The following TMEM219 variants were observed in gnomAD, a reference collection of about 807,000 sequenced individuals.
The protein encoded by TMEM219 is insulin-like growth factor-binding protein 3 receptor.
TMEM219 carries 18 observed loss-of-function variants against 17.9 expected under a neutral mutation model. That is an observed-to-expected ratio of 1.01 (90% CI 0.70 to 1.49). The LOEUF is 1.49. Among genes scored for constraint, TMEM219 ranks in the 40% most tolerant of loss-of-function variants. The pLI, the probability that TMEM219 is intolerant of heterozygous loss-of-function variation, is 0.00. For synonymous variants in TMEM219, 113 were observed against 124.0 expected (o/e 0.91, Z 0.59); for missense variants, 288 against 292.4 (o/e 0.99, Z 0.11).
chr16:29,967,880 T>C (rs2069232871), intron 3 of TMEM219, 145 bp from the exon 4 acceptor site: 2 of 620,662 alleles, frequency 3.2e-6, no homozygotes, highest in African/African-American at 1.8e-5. Context: ...TGAGCCGAGA[T>C]TGCGCCACTG....
At position 29,968,260 on chromosome 16, in the gene TMEM219, A is replaced by T. The variant is rs887656130; in HGVS notation, c.585+6A>T. ...TGACCAAGCTGCTCACCTCGGTAAG[A>T]GCCTCAGATGGGTCGCCAGGGTTTT... On this transcript the variant is annotated splice_donor_region_variant and intron_variant, in intron 4 of 5. Transcript: ENST00000279396. 4 of 1,608,114 alleles carry T rather than the reference A, an allele frequency of 2.5e-6. No homozygotes were observed. The African/African-American group carries it at 4.0e-5, about 16-fold the overall frequency.
rs369427126 is a variant in TMEM219, at chr16:29,970,965, G to C, written c.586-443G>C. 6.0e-4 allele frequency among the ~76,000 whole-genome samples: 90 copies of C among 150,710 alleles called. No homozygotes were observed. The East Asian group carries it at 0.014, about 24-fold the overall frequency. On this transcript the variant is annotated intron_variant, in intron 4 of 5. Coordinates refer to ENST00000279396, the MANE Select transcript of TMEM219 (RefSeq NM_001083613.2). Reference sequence around the variant, plus strand: ...CCTCAAAAAGAAAAAAAAAAAAAAGGGCCAGGCGCGGTGTTTCACGCCTGT... The same window carrying C: ...CCTCAAAAAGAAAAAAAAAAAAAAGCGCCAGGCGCGGTGTTTCACGCCTGT...
At chr16:29,970,778 A>G (rs1032850177) in intron 4 of TMEM219, among the ~76,000 whole-genome samples, 5 of 152,076 alleles carry the variant, frequency 3.3e-5, no homozygotes, top group African/African-American at 1.2e-4. Flanking sequence ...CATCTCTACA[A>G]AAAAACACAC....
chr16:29,971,138 T>C (rs1256642491), intron 4 of TMEM219, among the ~76,000 whole-genome samples: 15 of 149,262 alleles, frequency 1.0e-4, no homozygotes, highest in Non-Finnish European at 1.2e-4. Context: ...CCCAGCTACT[T>C]GGGAGGCTGA....
At chr16:29,970,355 T>C (rs13339125) in intron 4 of TMEM219, among the ~76,000 whole-genome samples, 18 of 150,234 alleles carry the variant, frequency 1.2e-4, no homozygotes, top group East Asian at 2.0e-4. Context: ...GATGGAGTCT[T>C]GCTCTATCGC....
At chr16:29,967,743 C>T (rs541894691) in intron 3 of TMEM219, among the ~76,000 whole-genome samples, 1 of 66,900 alleles carries the variant, frequency 1.5e-5, no homozygotes, top group African/African-American at 3.5e-5. Flanking sequence ...CTGGCTACCA[C>T]AGTGAAACCC....
intron 3 of TMEM219, among the ~76,000 whole-genome samples, chr16:29,967,573 T>G (rs1454016299): frequency 6.6e-6 from 1 of 152,120 alleles, no homozygotes; most frequent in Non-Finnish European, 1.5e-5. Flanking sequence ...ATCGTGCCAC[T>G]GCACTCCAAC....
At chr16:29,972,606 A>C (rs1169927976) in intron 5 of TMEM219, among the ~76,000 whole-genome samples, 2 of 152,212 alleles carry the variant, frequency 1.3e-5, no homozygotes, top group African/African-American at 4.8e-5. Flanking sequence ...GGAAGTTACT[A>C]TGGGAAAAGT....
chr16:29,963,707 A>C (rs980035263), intron 3 of TMEM219, 118 bp downstream of exon 3: 7 of 913,210 alleles, frequency 7.7e-6, no homozygotes, highest in Non-Finnish European at 3.2e-6. Flanking sequence ...ACATGATGAA[A>C]CACCATCTCT....
At chr16:29,965,506 C>T (rs572171156) in intron 3 of TMEM219, among the ~76,000 whole-genome samples, 2 of 147,870 alleles carry the variant, frequency 1.4e-5, no homozygotes, top group East Asian at 2.0e-4. Context: ...ATTGCTTGAG[C>T]GCAGGTGTTC....
At chr16:29,963,048 T>G (rs1044841371) in intron 1 of TMEM219, 59 bp from the exon 2 acceptor site, 76 of 1,441,196 alleles carry the variant, frequency 5.3e-5, no homozygotes, top group Non-Finnish European at 6.7e-5. Flanking sequence ...TCTCTGAGCT[T>G]TCTTTTCTCT....
chr16:29,965,030 A>G (rs928625862), intron 3 of TMEM219, among the ~76,000 whole-genome samples: 5 of 152,180 alleles, frequency 3.3e-5, no homozygotes, highest in African/African-American at 1.2e-4. Flanking sequence ...GCAGAAAAAA[A>G]TTAGACACCA....
chr16:29,963,289 G>C lies in TMEM219; in HGVS notation c.146G>C (p.Arg49Pro), dbSNP rs201972818. 3.7e-6 allele frequency: 6 copies of C among 1,613,972 alleles called. 1 individual carries two copies. The South Asian group carries it at 6.6e-5, about 18-fold the overall frequency. The change falls in exon 2 of 6, where the codon CGC becomes CCC. Residue 49 changes from arginine to proline, a missense_variant. By Grantham distance (103) the Arg-to-Pro change is moderately radical. Transcript: ENST00000279396. ...SFLLTHRTGL[R>P]SPDIPQDWVS... The stretch of plus-strand genomic sequence containing the variant: ...CTCCTCACCCACAGGACTGGCCTGC[G>C]CAGCCCTGACATCCCCCAGGTAAGT...
Position 29,963,397 on chromosome 16 carries a change from C to T in TMEM219, c.166-3C>T, listed in dbSNP as rs1390346795. 1.4e-5 allele frequency: 22 copies of T among 1,613,974 alleles called. No individual in the cohort carries two copies. Among genetic ancestry groups the T allele is most frequent in the Non-Finnish European group, 1.9e-5 (22 of 1,179,854 alleles). On this transcript the variant is annotated splice_region_variant and splice_polypyrimidine_tract_variant and intron_variant, in intron 2 of 5. Coordinates refer to ENST00000279396, the MANE Select transcript of TMEM219 (RefSeq NM_001083613.2). ...CATCTCACCCGTCTTCTTTTGCTCA[C>T]AGGACTGGGTCTCTTTTTTGAGATC...
intron 3 of TMEM219, among the ~76,000 whole-genome samples, chr16:29,966,411 C>G (rs540461671): frequency 6.6e-6 from 1 of 151,994 alleles, no homozygotes; most frequent in Non-Finnish European, 1.5e-5. Flanking sequence ...ACTTATCTTT[C>G]ATTGCATAGA....
In TMEM219 at chr16:29,968,521, G is replaced by A. The variant is rs368774922; in HGVS notation, c.585+267G>A. On this transcript the variant is annotated intron_variant, in intron 4 of 5. Transcript: ENST00000279396. The stretch of plus-strand genomic sequence containing the variant: ...GTGAAGTGCCCAGCACATTGCCTGG[G>A]ACATAGAGATTTGATAAGTGACAGC... 47 of 373,846 alleles carry A rather than the reference G, an allele frequency of 1.3e-4. No individual in the cohort carries two copies. In the East Asian group the frequency reaches 1.9e-3, roughly 15 times the overall value. 23.2% of individuals were successfully genotyped at this position (373,846 alleles called of 1,614,324 possible). A position where few individuals can be genotyped will look rare whatever the true frequency, so the allele number is the denominator to read the frequency against.
chr16:29,964,671 C>G (rs552022552), intron 3 of TMEM219, among the ~76,000 whole-genome samples: 2 of 151,952 alleles, frequency 1.3e-5, no homozygotes, highest in East Asian at 1.9e-4. Context: ...CGCGCCCCCC[C>G]CACCACCCTG....
Position 29,963,981 on chromosome 16 carries a change from G to A in TMEM219, c.355+392G>A, listed in dbSNP as rs971206274. Among the ~76,000 whole-genome samples, 5 of 151,912 alleles carry A rather than the reference G, an allele frequency of 3.3e-5. No homozygotes were observed. The East Asian group carries it at 9.7e-4, about 29-fold the overall frequency. On this transcript the variant is annotated intron_variant, in intron 3 of 5. Coordinates refer to ENST00000279396, the MANE Select transcript of TMEM219 (RefSeq NM_001083613.2). Reference sequence around the variant, plus strand: ...GCAGATCACGAGGTTAGGAGTTCGAGACCAGCCTGGCCAACATGGTGAAAC... The same window carrying A: ...GCAGATCACGAGGTTAGGAGTTCGAAACCAGCCTGGCCAACATGGTGAAAC...
chr16:29,969,716 G>T (rs1397984408), intron 4 of TMEM219, among the ~76,000 whole-genome samples: 2 of 152,072 alleles, frequency 1.3e-5, no homozygotes, highest in Non-Finnish European at 2.9e-5. Flanking sequence ...GCCTTTGGGA[G>T]CACTCCATGT....
Sources: gnomAD v4.1 joint callset for allele counts (sites outside exome capture counted in the v4.1 genomes callset) on GRCh38, gnomAD v4.1.1 for gene constraint, MANE v1.5 for transcripts, NCBI Gene and HGNC (gene_info 2026-07-23, HGNC 2026-07-21) for gene names.